The following AGBL4 variants were observed in gnomAD, a reference collection of about 807,000 sequenced individuals.
AGBL4 encodes the protein AGBL carboxypeptidase 4, also known as cytosolic carboxypeptidase 6.
A neutral mutation model predicts 66.4 loss-of-function variants in AGBL4; 58 were observed. The observed-to-expected ratio is 0.87, with a 90% CI of 0.71 to 1.09. The LOEUF (loss-of-function observed/expected upper bound fraction) is 1.09, where lower values mean the gene tolerates loss of function less well. Among genes scored for constraint, AGBL4 ranks in the 50% least tolerant of loss-of-function variants. AGBL4 has a pLI of 0.00. For missense variants in AGBL4, 579 were observed against 631.0 expected, an observed-to-expected ratio of 0.92 and a Z score of 0.88; for synonymous variants, 234 against 222.9, an observed-to-expected ratio of 1.05 and a Z score of -0.44.
chr1:49,438,476 T>G (rs1312956318), intron 3 of AGBL4, among the ~76,000 whole-genome samples: 1 of 152,120 alleles, frequency 6.6e-6, no homozygotes, highest in Non-Finnish European at 1.5e-5. Context: ...AAAAAGCTGG[T>G]TACAAGGTGC....
chr1:48,837,663 A>AACAC (rs58493461), intron 6 of AGBL4, among the ~76,000 whole-genome samples: 2 of 121,276 alleles, frequency 1.6e-5, no homozygotes, highest in African/African-American at 3.1e-5. Flanking sequence ...TTACTTAATG[A>AACAC]ACACACACAC....
At position 48,850,682 on chromosome 1, in the gene AGBL4, A is replaced by G. The variant is rs868693268; in HGVS notation, c.634+16509T>C. On this transcript the variant is annotated intron_variant, in intron 6 of 13. Transcript: ENST00000371839. Reference sequence around the variant, plus strand: ...TGGGACTACTGGCATGTGCCACAACACCTGACTAATTTTCTGTAGAGACGG... The same window carrying G: ...TGGGACTACTGGCATGTGCCACAACGCCTGACTAATTTTCTGTAGAGACGG... 2.6e-5 allele frequency among the ~76,000 whole-genome samples: 4 copies of G among 152,010 alleles called. 1 individual carries two copies. In the Middle Eastern group the frequency reaches 0.01, roughly 388 times the overall value.
At chr1:49,618,661 CA>C (rs1190047937) in intron 3 of AGBL4, among the ~76,000 whole-genome samples, 1 of 152,044 alleles carries the variant, frequency 6.6e-6, no homozygotes, top group East Asian at 1.9e-4. Context: ...AGAGACACAA[CA>C]ACAAAAAAAG....
At chr1:49,688,576 T>G (rs930449519) in intron 3 of AGBL4, among the ~76,000 whole-genome samples, 1 of 152,208 alleles carries the variant, frequency 6.6e-6, no homozygotes, top group Non-Finnish European at 1.5e-5. Flanking sequence ...CTGATTTCCT[T>G]TCTTGGGTAT....
intron 1 of AGBL4, among the ~76,000 whole-genome samples, chr1:49,878,498 A>G (rs1157219320): frequency 6.6e-6 from 1 of 151,954 alleles, no homozygotes; most frequent in Non-Finnish European, 1.5e-5. Flanking sequence ...TCTGAGTTCT[A>G]CTTTGATTGC....
chr1:49,580,672 T>C (rs975560932), intron 3 of AGBL4, among the ~76,000 whole-genome samples: 1 of 152,186 alleles, frequency 6.6e-6, no homozygotes, highest in Non-Finnish European at 1.5e-5. Flanking sequence ...ATAGAATTCT[T>C]TACTGACAGT....
chr1:49,222,378 T>G (rs903821752), intron 4 of AGBL4, among the ~76,000 whole-genome samples: 1 of 151,500 alleles, frequency 6.6e-6, no homozygotes, highest in Non-Finnish European at 1.5e-5. Context: ...ACAGAAGATA[T>G]TCTTAGGTCA....
intron 3 of AGBL4, among the ~76,000 whole-genome samples, chr1:49,362,355 T>C (rs554969778): frequency 8.6e-5 from 13 of 151,302 alleles, no homozygotes; most frequent in African/African-American, 3.2e-4. Flanking sequence ...TCAGTATCTA[T>C]GTTCCCATAT....
chr1:49,663,912 T>C (rs1646316158), intron 3 of AGBL4, among the ~76,000 whole-genome samples: 1 of 151,710 alleles, frequency 6.6e-6, no homozygotes, highest in African/African-American at 2.4e-5. Context: ...AGAGAAAAAG[T>C]ACAGTTTGAA....
intron 2 of AGBL4, among the ~76,000 whole-genome samples, chr1:49,764,871 T>C (rs1652620997): frequency 6.6e-6 from 1 of 152,128 alleles, no homozygotes; most frequent in Non-Finnish European, 1.5e-5. Flanking sequence ...AACTACACTG[T>C]GGTCCAGAGA....
intron 3 of AGBL4, among the ~76,000 whole-genome samples, chr1:49,595,445 A>C (rs570257559): frequency 1.1e-4 from 16 of 152,232 alleles, no homozygotes; most frequent in African/African-American, 3.6e-4. Context: ...AAGGCTTATA[A>C]AATTTGTTTA....
rs1557922391 is a variant in AGBL4, at chr1:48,736,121, C to T, written c.635-72880G>A. ...ATCCGCTTGGTGTCCCCGGGCTCAG[C>T]CCAGGGTCTGGCATGCAGAAGCTTC... On this transcript the variant is annotated intron_variant, in intron 6 of 13. Transcript: ENST00000371839. The surrounding 1 kb of genome is among the most constrained non-coding windows in gnomAD (Gnocchi z 4.0). 2 of 1,210,574 alleles carry T rather than the reference C, an allele frequency of 1.7e-6. No homozygotes were observed. Among genetic ancestry groups the T allele is most frequent in the Non-Finnish European group, 2.4e-6 (2 of 837,714 alleles). 75.0% of individuals were successfully genotyped at this position (1,210,574 alleles called of 1,614,324 possible).
chr1:49,096,113 G>A (rs1645095710), intron 4 of AGBL4, among the ~76,000 whole-genome samples: 2 of 151,832 alleles, frequency 1.3e-5, no homozygotes, highest in African/African-American at 2.4e-5. Context: ...GGCCATCAGA[G>A]AAATGCAAAT....
chr1:49,904,596 C>T (rs1463601998), intron 1 of AGBL4, among the ~76,000 whole-genome samples: 1 of 152,068 alleles, frequency 6.6e-6, no homozygotes, highest in Non-Finnish European at 1.5e-5. Flanking sequence ...ACTAGGTTGC[C>T]TTCAATGGTA....
chr1:48,649,451 G>A (rs1490546674), intron 8 of AGBL4, among the ~76,000 whole-genome samples: 1 of 152,188 alleles, frequency 6.6e-6, no homozygotes, highest in Non-Finnish European at 1.5e-5. Context: ...GTTAAAGATA[G>A]CTACTATAGC....
At chr1:49,693,022 G>C (rs1646919326) in intron 3 of AGBL4, among the ~76,000 whole-genome samples, 1 of 152,156 alleles carries the variant, frequency 6.6e-6, no homozygotes, top group Admixed American at 6.5e-5. Context: ...TTTATGACTA[G>C]AGGCCTGAGA....
At chr1:49,876,068 G>A (rs1292939005) in intron 1 of AGBL4, among the ~76,000 whole-genome samples, 17 of 148,528 alleles carry the variant, frequency 1.1e-4, no homozygotes, top group Non-Finnish European at 2.5e-4. Context: ...CCCTTTGTCA[G>A]ATGAGTAGGT....
intron 3 of AGBL4, among the ~76,000 whole-genome samples, chr1:49,549,801 G>A (rs1571005769): frequency 6.6e-6 from 1 of 152,114 alleles, no homozygotes; most frequent in South Asian, 2.1e-4. Context: ...AAGTCCATTT[G>A]TTCCAAGGTA....
At chr1:49,395,653 AT>A (rs918843675) in intron 3 of AGBL4, among the ~76,000 whole-genome samples, 4 of 148,352 alleles carry the variant, frequency 2.7e-5, no homozygotes, top group African/African-American at 1.0e-4. Context: ...ATGAGAATGT[AT>A]TTGAATCATC....
Sources: allele counts gnomAD v4.1 joint callset (sites outside exome capture counted in the v4.1 genomes callset), GRCh38; gene constraint gnomAD v4.1.1; non-coding constraint Gnocchi (gnomAD v3.1); transcripts MANE v1.5; gene names NCBI Gene and HGNC (gene_info 2026-07-23, HGNC 2026-07-21).